The following ELAPOR1 variants were observed in gnomAD, a reference collection of about 807,000 sequenced individuals.
ELAPOR1 encodes the protein endosome-lysosome associated apoptosis and autophagy regulator 1.
Under a neutral mutation model 119.7 loss-of-function variants are expected in ELAPOR1, and 77 were observed. That is an observed-to-expected ratio of 0.64 (90% confidence interval 0.54 to 0.78). ELAPOR1 has a LOEUF of 0.78. Among genes scored for constraint, ELAPOR1 ranks in the 30% least tolerant of loss-of-function variants. The pLI is 0.00. For missense variants in ELAPOR1, 1,115 were observed against 1,270.4 expected, an observed-to-expected ratio of 0.88 and a Z score of 1.86; for synonymous variants, 481 against 487.2, an observed-to-expected ratio of 0.99 and a Z score of 0.17.
chr1:109,133,166 G>T (rs1448530224), intron 1 of ELAPOR1, among the ~76,000 whole-genome samples: 1 of 152,096 alleles, frequency 6.6e-6, no homozygotes, highest in Non-Finnish European at 1.5e-5. Flanking sequence ...GGAGGTTGAG[G>T]GTGCGGTGAG....
Position 109,203,789 on chromosome 1 carries a change from T to C in ELAPOR1, c.*777T>C, listed in dbSNP as rs1159870773. 6.9e-6 allele frequency: 1 copy of C among 145,188 alleles called. No homozygotes were observed. Among genetic ancestry groups the C allele is most frequent in the African/African-American group, 2.6e-5 (1 of 38,356 alleles). 9.0% of individuals were successfully genotyped at this position (145,188 alleles called of 1,614,324 possible). A position where few individuals can be genotyped will look rare whatever the true frequency, so the allele number is the denominator to read the frequency against. On this transcript the variant is annotated 3_prime_UTR_variant, in exon 22 of 22. Coordinates refer to ENST00000369939, the MANE Select transcript of ELAPOR1 (RefSeq NM_020775.5). ...TACTCGGGAGGCTGAGGCGGGAGAA[T>C]AGCGTGAACCTGGAAGGCGGAGCTT...
intron 1 of ELAPOR1, 151 bp from the exon 2 acceptor site, chr1:109,161,743 G>C (rs957119140): frequency 1.8e-5 from 14 of 787,678 alleles, no homozygotes; most frequent in Admixed American, 2.5e-5. Flanking sequence ...TCTTGTACTC[G>C]GTTCATAATC....
intron 17 of ELAPOR1, 105 bp downstream of exon 17, chr1:109,198,180 A>T: frequency 1.1e-6 from 1 of 873,652 alleles, no homozygotes; most frequent in South Asian, 1.4e-5. Context: ...AAGCCAGAAC[A>T]TGTCTGAGGT....
intron 3 of ELAPOR1, among the ~76,000 whole-genome samples, chr1:109,168,810 C>A (rs938951910): frequency 6.6e-6 from 1 of 152,068 alleles, no homozygotes; most frequent in Non-Finnish European, 1.5e-5. Flanking sequence ...AAATAGTACT[C>A]TTATAGTTGA....
chr1:109,169,844 T>C (rs576829275), intron 3 of ELAPOR1, among the ~76,000 whole-genome samples: 1 of 152,132 alleles, frequency 6.6e-6, no homozygotes, highest in Admixed American at 6.5e-5. Flanking sequence ...CACATACAGT[T>C]CTCCTCCCAG....
At chr1:109,137,681 A>G (rs1204919159) in intron 1 of ELAPOR1, among the ~76,000 whole-genome samples, 3 of 150,704 alleles carry the variant, frequency 2.0e-5, no homozygotes, top group Non-Finnish European at 4.4e-5. Flanking sequence ...GGCATGCGCC[A>G]CCACCCCCGG....
chr1:109,115,967 T>G (rs1310501768), intron 1 of ELAPOR1, among the ~76,000 whole-genome samples: 3 of 152,218 alleles, frequency 2.0e-5, no homozygotes, highest in African/African-American at 7.2e-5. Flanking sequence ...AAAGCCCACT[T>G]GCCTAAGAAT....
At chr1:109,125,385 TTTTTG>T (rs71593469) in intron 1 of ELAPOR1, among the ~76,000 whole-genome samples, 61,180 of 149,396 alleles carry the variant, frequency 0.41, 14,089 homozygotes, top group African/African-American at 0.63. Context: ...CAGTCTGTTT[TTTTTG>T]TTTTGTTTTG....
chr1:109,115,913 C>G (rs1457555526), intron 1 of ELAPOR1, among the ~76,000 whole-genome samples: 2 of 152,132 alleles, frequency 1.3e-5, no homozygotes, highest in Non-Finnish European at 2.9e-5. Flanking sequence ...GGCTCACTGG[C>G]CTTGATGGCC....
Position 109,199,865 on chromosome 1 carries a change from A to G in ELAPOR1, c.2513A>G (p.Asp838Gly). The change falls in exon 19 of 22, where the codon GAT (aspartate) becomes GGT (glycine). Residue 838 changes from aspartate to glycine, a missense_variant. By Grantham distance (94) the Asp-to-Gly change is moderately conservative. Coordinates refer to ENST00000369939, the MANE Select transcript of ELAPOR1 (RefSeq NM_020775.5). ...GSLLLPGTCS[D>G]GTCDGCNFHF... ...TTCTGCTTTGCTAGAACGTGCTCGG[A>G]TGGGACCTGTGATGGCTGCAACTTC... The G allele has an allele frequency of 6.2e-7, 1 of 1,612,512 alleles. No individual in the cohort carries two copies.
intron 1 of ELAPOR1, among the ~76,000 whole-genome samples, chr1:109,157,305 T>G (rs1383293736): frequency 2.0e-5 from 3 of 152,210 alleles, no homozygotes; most frequent in Non-Finnish European, 4.4e-5. Flanking sequence ...TGACTTTGCC[T>G]CTCAATGACT....
At chr1:109,143,334 CAAGTAA>C (rs1570633000) in intron 1 of ELAPOR1, among the ~76,000 whole-genome samples, 1 of 152,020 alleles carries the variant, frequency 6.6e-6, no homozygotes, top group African/African-American at 2.4e-5. Flanking sequence ...AGCATTATGC[CAAGTAA>C]AAGAAGCCAG....
intron 7 of ELAPOR1, among the ~76,000 whole-genome samples, chr1:109,177,265 C>T (rs1287030463): frequency 1.4e-4 from 19 of 136,982 alleles, no homozygotes; most frequent in Middle Eastern, 3.8e-3. Flanking sequence ...CCGGACGGGG[C>T]GGCTGCCGGG....
intron 3 of ELAPOR1, among the ~76,000 whole-genome samples, chr1:109,170,815 GTTCATAGA>G (rs1558047485): frequency 6.6e-6 from 1 of 152,176 alleles, no homozygotes; most frequent in Non-Finnish European, 1.5e-5. Context: ...TTGGGGGCTG[GTTCATAGA>G]TGGTGTGGTG....
rs779503179 is a variant in ELAPOR1 at position 109,199,984 on chromosome 1, G to C, written c.2628+4G>C. 4.3e-6 allele frequency: 7 copies of C among 1,613,974 alleles called. No individual in the cohort carries two copies. In the South Asian group the frequency reaches 7.7e-5, roughly 18 times the overall value. On this transcript the variant is annotated splice_donor_region_variant and intron_variant, in intron 19 of 21. Transcript: ENST00000369939. ...CAGCTGTGTGGCTGGGATCCAGGTG[G>C]GTTTCCCTCTGATCGGGCACTTCCA...
chr1:109,180,838 A>G (rs1652648058), intron 7 of ELAPOR1, among the ~76,000 whole-genome samples: 1 of 152,074 alleles, frequency 6.6e-6, no homozygotes, highest in Admixed American at 6.5e-5. Flanking sequence ...GGTGGCATGC[A>G]CCTGTAGTCC....
At chr1:109,125,221 G>A (rs1648694535) in intron 1 of ELAPOR1, among the ~76,000 whole-genome samples, 1 of 151,626 alleles carries the variant, frequency 6.6e-6, no homozygotes, top group Non-Finnish European at 1.5e-5. Context: ...GAGCCACCAT[G>A]CCCAGCTGGT....
At chr1:109,154,469 A>G (rs1436520068) in intron 1 of ELAPOR1, among the ~76,000 whole-genome samples, 1 of 152,090 alleles carries the variant, frequency 6.6e-6, no homozygotes, top group African/African-American at 2.4e-5. Context: ...TCGAATGACC[A>G]CCAAGGTCTT....
At position 109,172,523 on chromosome 1, in the gene ELAPOR1, C is replaced by G; in HGVS notation, c.651C>G (p.Asp217Glu). ...ACCAGTGCCAGCCCAATGCAGATGA[C>G]TCCAGGTGGATGAAGACCACAGAGA... Reference protein sequence around the residue: ...QNDQCQPNADDSRWMKTTEKG... With the variant: ...QNDQCQPNADESRWMKTTEKG... The change falls in exon 5 of 22, where the codon GAC becomes GAG. Residue 217 changes from aspartate (D) to glutamate (E), a missense_variant. Coordinates refer to ENST00000369939, the MANE Select transcript of ELAPOR1 (RefSeq NM_020775.5). The G allele has an allele frequency of 6.2e-7, 1 of 1,613,932 alleles. No individual in the cohort carries two copies. Among genetic ancestry groups the G allele is most frequent in the Non-Finnish European group, 8.5e-7 (1 of 1,179,864 alleles).
Sources: gnomAD v4.1 joint callset for allele counts (sites outside exome capture counted in the v4.1 genomes callset) on GRCh38, gnomAD v4.1.1 for gene constraint, MANE v1.5 for transcripts, NCBI Gene and HGNC (gene_info 2026-07-23, HGNC 2026-07-21) for gene names.